The following SPIDR variants were observed in gnomAD, a reference collection of about 807,000 sequenced individuals.
The protein encoded by SPIDR is DNA repair-scaffolding protein.
A neutral mutation model predicts 104.6 loss-of-function variants in SPIDR; 93 were observed. The ratio of observed to expected loss-of-function variants is 0.89; its 90% confidence interval spans 0.75 to 1.06. The LOEUF (loss-of-function observed/expected upper bound fraction) is 1.06, where lower values mean the gene tolerates loss of function less well. SPIDR is among the 50% of genes least tolerant of loss of function. SPIDR has a pLI of 0.00. For missense variants in SPIDR, 1,154 were observed against 1,111.2 expected, an observed-to-expected ratio of 1.04 and a Z score of -0.55; for synonymous variants, 431 against 416.9, an observed-to-expected ratio of 1.03 and a Z score of -0.41.
chr8:47,543,282 C>G (rs529063441), intron 8 of SPIDR, among the ~76,000 whole-genome samples: 8 of 152,242 alleles, frequency 5.3e-5, no homozygotes, highest in Non-Finnish European at 8.8e-5. Flanking sequence ...TTTACATTGC[C>G]ACGAGTAATG....
chr8:47,352,463 A>G (rs1352282102), intron 5 of SPIDR, among the ~76,000 whole-genome samples: 27 of 152,100 alleles, frequency 1.8e-4, no homozygotes, highest in Admixed American at 6.5e-5. Context: ...ACTAGCAGTA[A>G]ATGTGGTGAA....
At chr8:47,394,823 A>G (rs572988401) in intron 5 of SPIDR, among the ~76,000 whole-genome samples, 4 of 152,200 alleles carry the variant, frequency 2.6e-5, no homozygotes, top group African/African-American at 4.8e-5. Flanking sequence ...TTTATTCACA[A>G]TCTCTCTTGT....
intron 10 of SPIDR, among the ~76,000 whole-genome samples, chr8:47,637,480 G>T (rs954263987): frequency 8.5e-5 from 13 of 152,130 alleles, no homozygotes; most frequent in African/African-American, 7.2e-5. Context: ...TGAGGTGGGA[G>T]AATTGCTTAA....
intron 10 of SPIDR, among the ~76,000 whole-genome samples, chr8:47,662,889 G>C (rs2074342275): frequency 6.6e-6 from 1 of 152,216 alleles, no homozygotes; most frequent in African/African-American, 2.4e-5. Context: ...ACAGCTGTCT[G>C]TGAGGCAGCA....
At chr8:47,618,023 G>T (rs2064577546) in intron 10 of SPIDR, among the ~76,000 whole-genome samples, 2 of 152,088 alleles carry the variant, frequency 1.3e-5, no homozygotes, top group Non-Finnish European at 2.9e-5. Flanking sequence ...ATTTCCTTTA[G>T]GCCAAAAGAT....
At chr8:47,456,660 C>T (rs1414150187) in intron 8 of SPIDR, among the ~76,000 whole-genome samples, 2 of 152,094 alleles carry the variant, frequency 1.3e-5, no homozygotes, top group Non-Finnish European at 1.5e-5. Flanking sequence ...CATTTGGTTA[C>T]ATGAGTAAGT....
intron 8 of SPIDR, among the ~76,000 whole-genome samples, chr8:47,551,984 T>G (rs2090572636): frequency 6.6e-6 from 1 of 152,234 alleles, no homozygotes; most frequent in Non-Finnish European, 1.5e-5. Flanking sequence ...TTGTTCTCAT[T>G]GGTTTCAGAG....
intron 1 of SPIDR, among the ~76,000 whole-genome samples, chr8:47,264,096 G>A (rs549879528): frequency 6.6e-6 from 1 of 152,332 alleles, no homozygotes; most frequent in South Asian, 2.1e-4. Flanking sequence ...TCGGATATCT[G>A]CCTCAGCAGT....
intron 5 of SPIDR, among the ~76,000 whole-genome samples, chr8:47,302,260 G>A (rs937670535): frequency 2.6e-5 from 4 of 151,968 alleles, no homozygotes; most frequent in Admixed American, 2.0e-4. Context: ...TTGTGCATTC[G>A]TCACGTAGTT....
chr8:47,386,074 G>A (rs2059870244), intron 5 of SPIDR, among the ~76,000 whole-genome samples: 1 of 151,378 alleles, frequency 6.6e-6, no homozygotes, highest in Non-Finnish European at 1.5e-5. Context: ...TTTTCTCTCT[G>A]GATAGGTAGT....
At chr8:47,578,157 A>C (rs898790156) in intron 8 of SPIDR, among the ~76,000 whole-genome samples, 1 of 152,224 alleles carries the variant, frequency 6.6e-6, no homozygotes, top group Admixed American at 6.5e-5. Flanking sequence ...CTCATTATAA[A>C]GGTTGCTACT....
At chr8:47,375,088 A>T (rs2058491231) in intron 5 of SPIDR, among the ~76,000 whole-genome samples, 1 of 152,064 alleles carries the variant, frequency 6.6e-6, no homozygotes, top group African/African-American at 2.4e-5. Flanking sequence ...ACATTTAATT[A>T]TAACAGACAA....
At chr8:47,660,920 G>A in intron 10 of SPIDR, 2 of 985,052 alleles carry the variant, frequency 2.0e-6, no homozygotes, top group South Asian at 9.4e-5. Context: ...TCTGGTAGGT[G>A]AAGGAAACCA....
chr8:47,294,258 A>G lies in SPIDR; in HGVS notation c.525+228A>G, dbSNP rs1051651677. On this transcript the variant is annotated intron_variant, in intron 5 of 19. Coordinates refer to ENST00000297423, the MANE Select transcript of SPIDR (RefSeq NM_001080394.4). ...CACTTCTCTTTCACTTCCCACCCTCACTGCACACCGAATGTTTTTTATCCT... is the reference window on the plus strand; with the variant it reads ...CACTTCTCTTTCACTTCCCACCCTCGCTGCACACCGAATGTTTTTTATCCT... 658 of 441,976 alleles carry G rather than the reference A, an allele frequency of 1.5e-3. 10 individuals are homozygous for G. The highest frequency in any genetic ancestry group is 0.012 in the African/African-American group (600 of 49,128). 27.4% of individuals were successfully genotyped at this position (441,976 alleles called of 1,614,324 possible).
At chr8:47,594,260 A>C (rs531626309) in intron 8 of SPIDR, among the ~76,000 whole-genome samples, 13 of 148,808 alleles carry the variant, frequency 8.7e-5, no homozygotes, top group African/African-American at 3.2e-4. Flanking sequence ...CTGTAGTCCC[A>C]GCTATTTGGG....
At chr8:47,722,145 G>C (rs983659412) in intron 16 of SPIDR, among the ~76,000 whole-genome samples, 1 of 152,042 alleles carries the variant, frequency 6.6e-6, no homozygotes, top group Non-Finnish European at 1.5e-5. Context: ...TGTTGCTATT[G>C]TAAATAGTAT....
intron 10 of SPIDR, among the ~76,000 whole-genome samples, chr8:47,648,389 G>A (rs1369725614): frequency 6.6e-6 from 1 of 152,196 alleles, no homozygotes; most frequent in Non-Finnish European, 1.5e-5. Flanking sequence ...GGACCTGTGA[G>A]TCACAAATAC....
chr8:47,592,596 G>A, intron 8 of SPIDR: 8 of 1,226,644 alleles, frequency 6.5e-6, no homozygotes, highest in South Asian at 1.3e-5. Context: ...ATCCTGCGGG[G>A]CAGCCCTGCC....
intron 8 of SPIDR, among the ~76,000 whole-genome samples, chr8:47,534,517 G>GT (rs1206439531): frequency 6.6e-6 from 1 of 152,114 alleles, no homozygotes; most frequent in Non-Finnish European, 1.5e-5. Context: ...GCTTAGCAAA[G>GT]TAACACAGGA....
Sources: allele counts gnomAD v4.1 joint callset (sites outside exome capture counted in the v4.1 genomes callset), GRCh38; gene constraint gnomAD v4.1.1; transcripts MANE v1.5; gene names NCBI Gene and HGNC (gene_info 2026-07-23, HGNC 2026-07-21).